The following RNF144A variants were observed in gnomAD, a reference collection of about 807,000 sequenced individuals.
The protein encoded by RNF144A is ring finger protein 144A.
RNF144A carries 11 observed loss-of-function variants against 38.7 expected under a neutral mutation model. The observed-to-expected ratio is 0.28, with a 90% CI of 0.18 to 0.47. The LOEUF (loss-of-function observed/expected upper bound fraction) is 0.47. RNF144A is among the 20% of genes least tolerant of loss of function. The pLI is 0.99. For synonymous variants in RNF144A, 149 were observed against 143.9 expected (o/e 1.04, Z -0.25); for missense variants, 316 against 377.2 (o/e 0.84, Z 1.34).
In RNF144A at chr2:6,930,782, G is replaced by A. The variant is rs117426150; in HGVS notation, c.-211-10166G>A. The stretch of plus-strand genomic sequence containing the variant: ...AATTTTTATATTTTTTTTGTAGAGG[G>A]GGGGATTTGCCATGTTGCCCGGGCT... On this transcript the variant is annotated intron_variant, in intron 1 of 8. Coordinates refer to ENST00000320892, the MANE Select transcript of RNF144A (RefSeq NM_014746.6). Among the ~76,000 whole-genome samples, 96 of 152,034 alleles carry A rather than the reference G, an allele frequency of 6.3e-4. No homozygotes were observed. In the East Asian group the frequency reaches 0.015, roughly 24 times the overall value.
rs571120398 is a variant in RNF144A at position 7,060,449 on chromosome 2, T to C, written c.735-7767T>C. Among the ~76,000 whole-genome samples the C allele has an allele frequency of 9.2e-5, 14 of 152,324 alleles. No homozygotes were observed. The South Asian group carries it at 2.7e-3, about 29-fold the overall frequency. ...ACACGATGACCTGCAGGGCTGGTTCTTGCTTTTGTTACCTTCAAATCCTGA... is the reference window on the plus strand; with the variant it reads ...ACACGATGACCTGCAGGGCTGGTTCCTGCTTTTGTTACCTTCAAATCCTGA... On this transcript the variant is annotated intron_variant, in intron 6 of 6. Transcript: ENST00000432850.
intron 2 of RNF144A, among the ~76,000 whole-genome samples, chr2:6,979,513 A>AC (rs1668505424): frequency 6.6e-6 from 1 of 152,176 alleles, no homozygotes; most frequent in Admixed American, 6.5e-5. Context: ...TCAGGTGTGA[A>AC]AAGTTAAAAG....
chr2:7,070,478 G>A (rs552090543), downstream of RNF144A, among the ~76,000 whole-genome samples: 78 of 152,332 alleles, frequency 5.1e-4, 1 homozygote, highest in South Asian at 9.5e-3. Flanking sequence ...ACTAGTATGA[G>A]CCTGTTGGGG....
intron 2 of RNF144A, among the ~76,000 whole-genome samples, chr2:6,973,068 G>C (rs1308071781): frequency 6.6e-6 from 1 of 152,204 alleles, no homozygotes; most frequent in Non-Finnish European, 1.5e-5. Context: ...ATGAAATGGG[G>C]ATGAATATGC....
chr2:7,055,326 G>A (rs1359572101), intron 6 of RNF144A, among the ~76,000 whole-genome samples: 1 of 152,176 alleles, frequency 6.6e-6, no homozygotes, highest in African/African-American at 2.4e-5. Flanking sequence ...TTCATGCTCA[G>A]TATTGCATCT....
At chr2:6,980,468 A>G (rs1453752317) in intron 2 of RNF144A, among the ~76,000 whole-genome samples, 1 of 152,276 alleles carries the variant, frequency 6.6e-6, no homozygotes, top group African/African-American at 2.4e-5. Context: ...CAGAGGCCCC[A>G]TGCCAGTCTG....
chr2:6,950,056 G>A (rs993352431), intron 2 of RNF144A, among the ~76,000 whole-genome samples: 8 of 152,194 alleles, frequency 5.3e-5, no homozygotes, highest in African/African-American at 9.6e-5. Context: ...TAAGCAGTGC[G>A]TTTAAAGAGC....
rs578158581 is a variant in RNF144A at position 7,031,775 on chromosome 2, C to T, written c.747+1560C>T. The stretch of plus-strand genomic sequence containing the variant: ...AGAGCCTGTGGGCGTCCACAGCAGG[C>T]GATAAGACACGCCTCCCATCAGAGA... On this transcript the variant is annotated intron_variant, in intron 8 of 8. Transcript: ENST00000320892. 7.2e-5 allele frequency among the ~76,000 whole-genome samples: 11 copies of T among 152,360 alleles called. No individual in the cohort carries two copies. In the South Asian group the frequency reaches 1.0e-3, roughly 14 times the overall value.
At chr2:6,947,156 A>G (rs1184990730) in intron 2 of RNF144A, among the ~76,000 whole-genome samples, 2 of 152,148 alleles carry the variant, frequency 1.3e-5, no homozygotes, top group East Asian at 3.8e-4. Context: ...TTATACATAT[A>G]AGTAATATTT....
At chr2:6,947,429 A>G (rs1468368728) in intron 2 of RNF144A, among the ~76,000 whole-genome samples, 1 of 152,204 alleles carries the variant, frequency 6.6e-6, no homozygotes, top group Non-Finnish European at 1.5e-5. Context: ...ATTACATTAC[A>G]TGAAGTAAAA....
At chr2:7,001,344 A>G (rs551002576) in intron 3 of RNF144A, among the ~76,000 whole-genome samples, 60 of 148,842 alleles carry the variant, frequency 4.0e-4, no homozygotes, top group African/African-American at 1.5e-3. Context: ...ATCTCAATAA[A>G]TAAAATAAAA....
rs920572797 is a variant in RNF144A at position 7,042,136 on chromosome 2, A to G, written c.*2376A>G. ...AAAATTAAAATTGTCCATTTCCTAT[A>G]TAAATACCAGCAAGATCACTCTGAG... is the stretch of plus-strand genomic sequence containing the variant. On this transcript the variant is annotated 3_prime_UTR_variant, in exon 9 of 9. Transcript: ENST00000320892. The G allele has an allele frequency of 5.1e-6, 5 of 985,280 alleles. No individual in the cohort carries two copies. Among genetic ancestry groups the G allele is most frequent in the Non-Finnish European group, 6.0e-6 (5 of 829,778 alleles). The allele number at this position is 985,280 out of a possible 1,614,324, so 61.0% of individuals were successfully genotyped here.
intron 2 of RNF144A, among the ~76,000 whole-genome samples, chr2:6,973,384 C>G (rs1420513714): frequency 6.6e-6 from 1 of 152,220 alleles, no homozygotes; most frequent in Non-Finnish European, 1.5e-5. Flanking sequence ...TTTTATTGTA[C>G]TGCCTCCATT....
intron 1 of RNF144A, among the ~76,000 whole-genome samples, chr2:6,928,075 A>G (rs999834072): frequency 2.6e-5 from 4 of 152,138 alleles, no homozygotes; most frequent in African/African-American, 9.7e-5. Flanking sequence ...TTAGTTATGG[A>G]TGGTTCAGAC....
chr2:7,006,338 A>G (rs892073685), intron 3 of RNF144A, among the ~76,000 whole-genome samples: 2 of 152,210 alleles, frequency 1.3e-5, no homozygotes, highest in Admixed American at 6.5e-5. Context: ...ACAGTTAACA[A>G]GAAATGACAG....
rs1344448163 is a variant in RNF144A at position 7,040,304 on chromosome 2, T to A, written c.*544T>A. On this transcript the variant is annotated 3_prime_UTR_variant, in exon 9 of 9. Coordinates refer to ENST00000320892, the MANE Select transcript of RNF144A (RefSeq NM_014746.6). Reference sequence around the variant, plus strand: ...TCAACAAGGTGCATATAAACCATCCTATGCCTTTCTTGAAATGTGCATTTT... The same window carrying A: ...TCAACAAGGTGCATATAAACCATCCAATGCCTTTCTTGAAATGTGCATTTT... The A allele has an allele frequency of 1.0e-5, 10 of 985,502 alleles. No individual in the cohort carries two copies. The highest frequency in any genetic ancestry group is 6.1e-5 in the Admixed American group (1 of 16,278). 61.0% of individuals were successfully genotyped at this position (985,502 alleles called of 1,614,324 possible). A position where few individuals can be genotyped will look rare whatever the true frequency, so the allele number is the denominator to read the frequency against.
Position 7,014,738 on chromosome 2 carries a change from T to G in RNF144A, c.267T>G (p.Ile89Met). The change falls in exon 5 of 9, where the codon ATT (isoleucine) becomes ATG (methionine). Residue 89 changes from isoleucine to methionine, a missense_variant. Transcript: ENST00000320892. ...NEIECMVAAE[I>M]MQRYKKLQFE... ...TTGAGTGCATGGTTGCAGCTGAAAT[T>G]ATGCAAAGATATAAAAAGCTACAAT... 1 of 1,613,548 alleles carries G rather than the reference T, an allele frequency of 6.2e-7. No individual in the cohort carries two copies.
downstream of RNF144A, among the ~76,000 whole-genome samples, chr2:7,048,100 CCTGT>C (rs1363385307): frequency 5.9e-5 from 9 of 152,128 alleles, no homozygotes; most frequent in Non-Finnish European, 1.2e-4. Flanking sequence ...GAAACCCAGT[CCTGT>C]CTGTTTTCAA....
At position 7,001,191 on chromosome 2, in the gene RNF144A, T is replaced by A. The variant is rs548871749; in HGVS notation, c.135+4130T>A. Among the ~76,000 whole-genome samples the A allele has an allele frequency of 1.2e-4, 18 of 151,920 alleles. No individual in the cohort carries two copies. In the East Asian group the frequency reaches 3.5e-3, roughly 29 times the overall value. On this transcript the variant is annotated intron_variant, in intron 3 of 8. Coordinates refer to ENST00000320892, the MANE Select transcript of RNF144A (RefSeq NM_014746.6). ...GGCGTGTGCCTGTAATCCCAGCTACTCAGGAGGCTGAGGCAGGAGAATCAC... is the reference window on the plus strand; with the variant it reads ...GGCGTGTGCCTGTAATCCCAGCTACACAGGAGGCTGAGGCAGGAGAATCAC...
Sources: allele counts gnomAD v4.1 joint callset (sites outside exome capture counted in the v4.1 genomes callset), GRCh38; gene constraint gnomAD v4.1.1; transcripts MANE v1.5; gene names NCBI Gene and HGNC (gene_info 2026-07-23, HGNC 2026-07-21).